GLIS3: variants seen among roughly 807,000 people sequenced by gnomAD.
GLIS3 encodes the protein GLIS family zinc finger 3.
A neutral mutation model predicts 78.6 loss-of-function variants in GLIS3; 53 were observed. The observed-to-expected ratio is 0.67, with a 90% CI of 0.54 to 0.85. The LOEUF is 0.85. Among genes scored for constraint, GLIS3 ranks in the 40% least tolerant of loss-of-function variants. The pLI is 0.00. For synonymous variants in GLIS3, 684 were observed against 509.9 expected (o/e 1.34, Z -4.60); for missense variants, 1,703 against 1,231.1 (o/e 1.38, Z -5.74).
chr9:3,898,672 C>T lies in GLIS3; in HGVS notation c.2128+19G>A. On this transcript the variant is annotated intron_variant, in intron 7 of 10. Coordinates refer to ENST00000381971, the MANE Select transcript of GLIS3 (RefSeq NM_001042413.2). ...TAAAAAAGGGTAGTTGTGGTTGGCT[C>T]TGCCTTTGCTGTCTTTACCTGAATA... is the stretch of plus-strand genomic sequence containing the variant. 1 of 1,614,036 alleles carries T rather than the reference C, an allele frequency of 6.2e-7. No individual in the cohort carries two copies. Among genetic ancestry groups the T allele is most frequent in the Non-Finnish European group, 8.5e-7 (1 of 1,179,996 alleles).
At chr9:4,304,348 A>T (rs1817172601), upstream of GLIS3, among the ~76,000 whole-genome samples, 1 of 152,154 alleles carries the variant, frequency 6.6e-6, no homozygotes, top group Non-Finnish European at 1.5e-5. Flanking sequence ...AGCTTTCTGT[A>T]CCCCTAGGCT....
At chr9:3,893,256 C>G (rs527393388) in intron 7 of GLIS3, among the ~76,000 whole-genome samples, 6 of 152,244 alleles carry the variant, frequency 3.9e-5, no homozygotes, top group Admixed American at 6.5e-5. Flanking sequence ...TACGGCAAAA[C>G]TTGCACATAT....
intron 4 of GLIS3, among the ~76,000 whole-genome samples, chr9:3,996,594 G>A (rs903616978): frequency 6.6e-6 from 1 of 152,108 alleles, no homozygotes; most frequent in Non-Finnish European, 1.5e-5. Flanking sequence ...TATGGTTATG[G>A]TAGCAAATAA....
At chr9:4,459,859 G>A in the GLIS3 span, among the ~76,000 whole-genome samples, 136 of 152,260 alleles carry the variant, frequency 8.9e-4, no homozygotes, top group African/African-American at 3.2e-3. Context: ...AGGAGGAAGT[G>A]ATTAACCATG....
chr9:4,054,450 G>A (rs980343789), intron 4 of GLIS3: 7 of 985,400 alleles, frequency 7.1e-6, no homozygotes, highest in Non-Finnish European at 8.4e-6. Flanking sequence ...GTCACAGGAG[G>A]ATGTGCTCTG....
At chr9:4,199,426 AAC>A (rs1563742823) in intron 2 of GLIS3, among the ~76,000 whole-genome samples, 1 of 151,202 alleles carries the variant, frequency 6.6e-6, no homozygotes, top group African/African-American at 2.4e-5. Context: ...TATCATATAA[AAC>A]AGACTTTTAT....
intron 4 of GLIS3, among the ~76,000 whole-genome samples, chr9:4,020,301 T>G (rs753960141): frequency 6.6e-6 from 1 of 152,102 alleles, no homozygotes; most frequent in South Asian, 2.1e-4. Flanking sequence ...TGTTTTGTTT[T>G]TTTTGTTTTG....
chr9:4,166,738 G>A (rs1815877061), intron 2 of GLIS3, among the ~76,000 whole-genome samples: 1 of 152,198 alleles, frequency 6.6e-6, no homozygotes, highest in South Asian at 2.1e-4. Flanking sequence ...CTCTGATGAA[G>A]GCATAAGTGA....
At chr9:4,328,784 C>T (rs187263901) in intron 2 of GLIS3, among the ~76,000 whole-genome samples, 32 of 152,240 alleles carry the variant, frequency 2.1e-4, no homozygotes, top group African/African-American at 6.0e-4. Context: ...CCAGGTGTTG[C>T]GAGGACTGAA....
At chr9:4,476,851 T>A in the GLIS3 span, among the ~76,000 whole-genome samples, 2 of 152,166 alleles carry the variant, frequency 1.3e-5, no homozygotes, top group Non-Finnish European at 2.9e-5. Flanking sequence ...AAATTTGAAT[T>A]GATTCATCTC....
chr9:3,856,054 G>A lies in GLIS3; in HGVS notation c.2428C>T (p.Pro810Ser). Reference sequence around the variant, plus strand: ...GGTTGAAAAGAAGAGTTTGTTTCTGGCTGATAGGACTTCAGGTGTGAACCT... The same window carrying A: ...GGTTGAAAAGAAGAGTTTGTTTCTGACTGATAGGACTTCAGGTGTGAACCT... Reference protein sequence around the residue: ...PSGSHLKSYQPETNSSFQPNG... With the variant: ...PSGSHLKSYQSETNSSFQPNG... Residue 810 changes from proline (P) to serine (S), a missense_variant, in exon 9 of 11, where the codon CCA becomes TCA. Coordinates refer to ENST00000381971, the MANE Select transcript of GLIS3 (RefSeq NM_001042413.2). 6.2e-7 allele frequency: 1 copy of A among 1,614,194 alleles called. No individual in the cohort carries two copies. The highest frequency in any genetic ancestry group is 8.5e-7 in the Non-Finnish European group (1 of 1,180,018).
chr9:4,093,519 T>C (rs1335394881), intron 4 of GLIS3, among the ~76,000 whole-genome samples: 1 of 152,180 alleles, frequency 6.6e-6, no homozygotes, highest in Non-Finnish European at 1.5e-5. Context: ...TAACTCAGGG[T>C]GCTGGCCCTA....
At chr9:4,002,543 T>G (rs1486225649) in intron 4 of GLIS3, among the ~76,000 whole-genome samples, 2 of 152,234 alleles carry the variant, frequency 1.3e-5, no homozygotes, top group African/African-American at 2.4e-5. Context: ...CATGCCTCAT[T>G]GGTAATCCTT....
chr9:3,841,751 C>T (rs1818731581), intron 9 of GLIS3, among the ~76,000 whole-genome samples: 1 of 152,154 alleles, frequency 6.6e-6, no homozygotes, highest in South Asian at 2.1e-4. Flanking sequence ...TATATGTATC[C>T]CTACTGGGTG....
chr9:4,276,842 T>C (rs534824311), intron 2 of GLIS3, among the ~76,000 whole-genome samples: 1 of 152,288 alleles, frequency 6.6e-6, no homozygotes, highest in South Asian at 2.1e-4. Context: ...GTAAACATTG[T>C]GTTTCACCTG....
At position 3,828,238 on chromosome 9, in the gene GLIS3, G is replaced by A; in HGVS notation, c.*34C>T. The A allele has an allele frequency of 1.9e-6, 3 of 1,613,490 alleles. No homozygotes were observed. Among genetic ancestry groups the A allele is most frequent in the Non-Finnish European group, 2.5e-6 (3 of 1,179,740 alleles). On this transcript the variant is annotated 3_prime_UTR_variant, in exon 11 of 11. Coordinates refer to ENST00000381971, the MANE Select transcript of GLIS3 (RefSeq NM_001042413.2). ...AACAAAAGGTGGCAAGCAACATCAAGGTCCTGGGTGTGCAGGAGTGGCCAA... is the reference window on the plus strand; with the variant it reads ...AACAAAAGGTGGCAAGCAACATCAAAGTCCTGGGTGTGCAGGAGTGGCCAA...
intron 4 of GLIS3, among the ~76,000 whole-genome samples, chr9:4,101,130 A>G (rs566113929): frequency 6.6e-6 from 1 of 152,346 alleles, no homozygotes; most frequent in Non-Finnish European, 1.5e-5. Flanking sequence ...ACAACCCAGT[A>G]CTTACTGGTG....
intron 9 of GLIS3, among the ~76,000 whole-genome samples, chr9:3,836,473 A>G (rs1197734736): frequency 6.6e-6 from 1 of 152,224 alleles, no homozygotes; most frequent in Admixed American, 6.5e-5. Context: ...CCAGGACCCC[A>G]AGGACAGGGA....
chr9:4,033,979 T>C (rs561627615), intron 4 of GLIS3, among the ~76,000 whole-genome samples: 1 of 151,900 alleles, frequency 6.6e-6, no homozygotes, highest in South Asian at 2.1e-4. Flanking sequence ...TCTAGCACTT[T>C]GGGAGGCTGA....
Sources: allele counts gnomAD v4.1 joint callset (sites outside exome capture counted in the v4.1 genomes callset), GRCh38; gene constraint gnomAD v4.1.1; transcripts MANE v1.5; gene names NCBI Gene and HGNC (gene_info 2026-07-23, HGNC 2026-07-21).